CAST: variants seen among roughly 807,000 people sequenced by gnomAD.
CAST encodes calpastatin.
Under a neutral mutation model 119.6 loss-of-function variants are expected in CAST, and 76 were observed. The observed-to-expected ratio is 0.64, with a 90% CI of 0.53 to 0.77. The LOEUF (loss-of-function observed/expected upper bound fraction) is 0.77. Among genes scored for constraint, CAST ranks in the 30% least tolerant of loss-of-function variants. The pLI is 0.00. For missense variants in CAST, 953 were observed against 946.5 expected (o/e 1.01, Z -0.09); for synonymous variants, 319 against 331.6 (o/e 0.96, Z 0.41).
the CAST span, among the ~76,000 whole-genome samples, chr5:96,159,274 C>T: frequency 6.6e-6 from 1 of 152,176 alleles, no homozygotes; most frequent in Non-Finnish European, 1.5e-5. Flanking sequence ...AACACCCTCT[C>T]CTGGACACCC....
At chr5:96,108,873 G>A in the CAST span, among the ~76,000 whole-genome samples, 103 of 152,352 alleles carry the variant, frequency 6.8e-4, 1 homozygote, top group African/African-American at 2.3e-3. Flanking sequence ...AGCAATCAGC[G>A]AGACTCCGTG....
the CAST span, among the ~76,000 whole-genome samples, chr5:96,304,370 T>C: frequency 2.0e-5 from 3 of 152,212 alleles, no homozygotes; most frequent in African/African-American, 7.2e-5. Flanking sequence ...GATGGACAGA[T>C]TACAAAAATT....
At chr5:96,625,031 A>G (rs998877954) in intron 1 of CAST, among the ~76,000 whole-genome samples, 30 of 152,214 alleles carry the variant, frequency 2.0e-4, no homozygotes, top group African/African-American at 7.2e-4. Context: ...CCCTGTGATG[A>G]TGCCTTATTT....
chr5:96,619,626 C>A (rs114287327), intron 1 of CAST, among the ~76,000 whole-genome samples: 4 of 152,196 alleles, frequency 2.6e-5, no homozygotes, highest in Non-Finnish European at 4.4e-5. Flanking sequence ...ACGCTCACTG[C>A]GAAGGTCTAC....
chr5:96,133,497 C>G, the CAST span, among the ~76,000 whole-genome samples: 26 of 152,216 alleles, frequency 1.7e-4, no homozygotes, highest in African/African-American at 6.0e-4. Flanking sequence ...ACATTCTTTA[C>G]GACATGAGAG....
At chr5:96,310,874 C>T in the CAST span, among the ~76,000 whole-genome samples, 5 of 148,826 alleles carry the variant, frequency 3.4e-5, no homozygotes, top group East Asian at 5.8e-4. Flanking sequence ...AAAAAAAAGC[C>T]CCAACTTCTA....
chr5:96,170,603 A>C, the CAST span, among the ~76,000 whole-genome samples: 1 of 152,254 alleles, frequency 6.6e-6, no homozygotes, highest in African/African-American at 2.4e-5. Flanking sequence ...TTGGGTAACA[A>C]AGTGCATATT....
chr5:96,375,482 C>A, the CAST span, among the ~76,000 whole-genome samples: 10 of 150,952 alleles, frequency 6.6e-5, no homozygotes, highest in African/African-American at 2.4e-4. Context: ...GTTTACTACA[C>A]AATGTAGCTT....
the CAST span, among the ~76,000 whole-genome samples, chr5:96,135,198 T>G: frequency 6.6e-6 from 1 of 152,166 alleles, no homozygotes; most frequent in African/African-American, 2.4e-5. Context: ...AATAATTTAT[T>G]TTACTTACTG....
chr5:96,362,311 T>A, the CAST span, among the ~76,000 whole-genome samples: 4 of 152,232 alleles, frequency 2.6e-5, no homozygotes, highest in Non-Finnish European at 5.9e-5. Flanking sequence ...CATGTGTCTT[T>A]ATAGCAGCAT....
At chr5:96,015,751 G>C in the CAST span, among the ~76,000 whole-genome samples, 1 of 152,156 alleles carries the variant, frequency 6.6e-6, no homozygotes, top group Non-Finnish European at 1.5e-5. Flanking sequence ...ATAATCCTTT[G>C]AGGTAGTTAC....
the CAST span, among the ~76,000 whole-genome samples, chr5:96,275,329 C>T: frequency 6.6e-6 from 1 of 152,086 alleles, no homozygotes; most frequent in African/African-American, 2.4e-5. Context: ...GATCAAGGTT[C>T]AGTTAGATAT....
the CAST span, among the ~76,000 whole-genome samples, chr5:96,097,886 A>AG: frequency 0.032 from 4,808 of 152,188 alleles, 205 homozygotes; most frequent in African/African-American, 0.1. Context: ...TTCTGTCTTT[A>AG]GTCTTTAAGG....
the CAST span, among the ~76,000 whole-genome samples, chr5:96,500,265 A>G: frequency 6.6e-6 from 1 of 152,268 alleles, no homozygotes; most frequent in South Asian, 2.1e-4. Context: ...CAGGGTTGCC[A>G]TAAACCTTCA....
the CAST span, among the ~76,000 whole-genome samples, chr5:96,291,559 TCTC>T: frequency 6.6e-6 from 1 of 152,110 alleles, no homozygotes; most frequent in South Asian, 2.1e-4. Flanking sequence ...AGTTCAGAGT[TCTC>T]CTGTTGGTAT....
intron 1 of CAST, among the ~76,000 whole-genome samples, chr5:96,563,927 C>T (rs1001490947): frequency 2.0e-5 from 3 of 152,202 alleles, no homozygotes; most frequent in African/African-American, 7.2e-5. Context: ...CTCAGGCTGT[C>T]AGCAGGCTAT....
At chr5:96,516,932 C>T in the CAST span, among the ~76,000 whole-genome samples, 7 of 152,154 alleles carry the variant, frequency 4.6e-5, no homozygotes, top group Non-Finnish European at 7.3e-5. Context: ...AATGACATGA[C>T]GAAGATGAGG....
At chr5:96,720,373 G>A (rs1421773423) in intron 3 of CAST, among the ~76,000 whole-genome samples, 1 of 152,238 alleles carries the variant, frequency 6.6e-6, no homozygotes, top group Non-Finnish European at 1.5e-5. Flanking sequence ...TACAATGAAA[G>A]TGTATTCATT....
At chr5:96,320,228 CTTTTTTTTTTTT>C in the CAST span, among the ~76,000 whole-genome samples, 1,352 of 97,404 alleles carry the variant, frequency 0.014, 27 homozygotes, top group Middle Eastern at 0.038. Context: ...AAGGCTTTTG[CTTTTTTTTTTTT>C]TTTTTTTTTT....
Sources: gnomAD v4.1 joint callset for allele counts (sites outside exome capture counted in the v4.1 genomes callset) on GRCh38, gnomAD v4.1.1 for gene constraint, MANE v1.5 for transcripts, NCBI Gene and HGNC (gene_info 2026-07-23, HGNC 2026-07-21) for gene names.